Variants in ZNF445 observed in about 807,000 individuals in gnomAD.
ZNF445 encodes zinc finger protein 168.
In ZNF445, 19 loss-of-function variants were observed where a neutral mutation model predicts 93.9. The ratio of observed to expected loss-of-function variants is 0.20; its 90% CI spans 0.14 to 0.30. The LOEUF (loss-of-function observed/expected upper bound fraction) is 0.30, where lower values mean the gene tolerates loss of function less well. ZNF445 is among the 10% of genes least tolerant of loss of function. The pLI is 1.00. For missense variants in ZNF445, 1,058 were observed against 1,259.4 expected, an observed-to-expected ratio of 0.84 and a Z score of 2.42; for synonymous variants, 449 against 446.3, an observed-to-expected ratio of 1.01 and a Z score of -0.08.
intron 2 of ZNF445, among the ~76,000 whole-genome samples, chr3:44,455,953 T>C (rs1305094906): frequency 6.6e-6 from 1 of 152,092 alleles, no homozygotes; most frequent in Non-Finnish European, 1.5e-5. Context: ...AAGATCTAAA[T>C]AAATGAACAG....
chr3:44,463,124 C>A (rs1258740451), intron 1 of ZNF445, among the ~76,000 whole-genome samples: 2 of 151,702 alleles, frequency 1.3e-5, no homozygotes, highest in African/African-American at 4.8e-5. Flanking sequence ...GCAACCTTTG[C>A]CTCCCAGGCT....
At chr3:44,461,683 T>G (rs1698116230) in intron 1 of ZNF445, among the ~76,000 whole-genome samples, 1 of 152,210 alleles carries the variant, frequency 6.6e-6, no homozygotes, top group East Asian at 1.9e-4. Flanking sequence ...GGAAAAAGTT[T>G]GAGCTTCGTC....
rs572502797 is a variant in ZNF445, at chr3:44,454,946, T to C, written c.429+175A>G. Reference sequence around the variant, plus strand: ...TGGGAAGGTAGGAAAGGATACCTGCTAAAGGGTCCGTGGCTCAGGGTCCCG... The same window carrying C: ...TGGGAAGGTAGGAAAGGATACCTGCCAAAGGGTCCGTGGCTCAGGGTCCCG... On this transcript the variant is annotated intron_variant, in intron 3 of 7. Transcript: ENST00000396077. The C allele has an allele frequency of 1.0e-4, 74 of 705,000 alleles. No individual in the cohort carries two copies. The African/African-American group carries it at 1.2e-3, about 12-fold the overall frequency. The allele number at this position is 705,000 out of a possible 1,614,324, so 43.7% of individuals were successfully genotyped here. A position where few individuals can be genotyped will look rare whatever the true frequency, so the allele number is the denominator to read the frequency against.
rs539589179 is a variant in ZNF445, at chr3:44,447,094, C to T, written c.2577G>A (p.Lys859=). ...AGCGCTTCTCTCCACTGTGTATTCCCTTATGATCTAAAAGGGTTCTTTTAC... is the reference window on the plus strand; with the variant it reads ...AGCGCTTCTCTCCACTGTGTATTCCTTTATGATCTAAAAGGGTTCTTTTAC... ...FTRKRTLLDH[K]GIHSGEKRYK... The change falls in exon 8 of 8, where the codon AAG becomes AAA. Residue 859 remains lysine (K), a synonymous_variant. Coordinates refer to ENST00000396077, the MANE Select transcript of ZNF445 (RefSeq NM_181489.6). This position sits in a 1 kb window ranked among gnomAD's most constrained non-coding sequence, Gnocchi z 4.7. 4.3e-6 allele frequency: 7 copies of T among 1,614,192 alleles called. No homozygotes were observed. Among genetic ancestry groups the T allele is most frequent in the African/African-American group, 4.0e-5 (3 of 75,040 alleles).
rs779524977 is a variant in ZNF445 at position 44,447,357 on chromosome 3, G to A, written c.2314C>T (p.Arg772Cys). Residue 772 changes from arginine (R) to cysteine (C), a missense_variant, in exon 8 of 8, where the codon CGC becomes TGC. By Grantham distance (180) the Arg-to-Cys change is radical. Coordinates refer to ENST00000396077, the MANE Select transcript of ZNF445 (RefSeq NM_181489.6). This position sits in a 1 kb window ranked among gnomAD's most constrained non-coding sequence, Gnocchi z 4.7. ...YKCSQCGKAF[R>C]NHSFLLIHQR... ...TGGATGAGGAGGAATGAGTGATTGCGGAAGGCCTTGCCACACTGGCTGCAT... is the reference window on the plus strand; with the variant it reads ...TGGATGAGGAGGAATGAGTGATTGCAGAAGGCCTTGCCACACTGGCTGCAT... 2.5e-5 allele frequency: 40 copies of A among 1,613,986 alleles called. No homozygotes were observed. The highest frequency in any genetic ancestry group is 7.7e-5 in the South Asian group (7 of 91,080).
At chr3:44,452,934 G>A (rs1437302167) in intron 3 of ZNF445, among the ~76,000 whole-genome samples, 8 of 114,220 alleles carry the variant, frequency 7.0e-5, no homozygotes, top group Non-Finnish European at 1.1e-4. Flanking sequence ...TTTTTTTTTC[G>A]GACATAGTCT....
At position 44,434,253 on chromosome 3, in the gene ZNF445, A is replaced by C. The variant is rs1697627345; in HGVS notation, c.*12322T>G. On this transcript the variant is annotated 3_prime_UTR_variant, in exon 8 of 8. Transcript: ENST00000396077. The stretch of plus-strand genomic sequence containing the variant: ...CATGGTGAAACCCTGCCTTTACCAA[A>C]AAAAAAAAAAAAAAAATTAGCCGGG... 2.1e-5 allele frequency: 1 copy of C among 47,418 alleles called. No individual in the cohort carries two copies. The highest frequency in any genetic ancestry group is 7.0e-5 in the African/African-American group (1 of 14,204). 2.9% of individuals were successfully genotyped at this position (47,418 alleles called of 1,614,324 possible).
At chr3:44,457,775 C>T (rs532310159) in intron 2 of ZNF445, among the ~76,000 whole-genome samples, 4 of 150,698 alleles carry the variant, frequency 2.7e-5, no homozygotes, top group South Asian at 2.1e-4. Flanking sequence ...GGCCTAGGCG[C>T]GTGGATCACG....
At chr3:44,458,532 A>G (rs1377855676) in intron 1 of ZNF445, among the ~76,000 whole-genome samples, 168 bp from the exon 2 acceptor site, 4 of 152,124 alleles carry the variant, frequency 2.6e-5, no homozygotes. Flanking sequence ...TAAAACAATA[A>G]GCATATCTTC....
intron 1 of ZNF445, among the ~76,000 whole-genome samples, chr3:44,467,814 A>C (rs1698214875): frequency 6.6e-6 from 1 of 152,174 alleles, no homozygotes; most frequent in African/African-American, 2.4e-5. Flanking sequence ...GAGAGAGAAA[A>C]TTATGCTTCA....
chr3:44,468,981 G>C (rs953383348), intron 1 of ZNF445, among the ~76,000 whole-genome samples: 1 of 151,592 alleles, frequency 6.6e-6, no homozygotes, highest in Admixed American at 6.6e-5. Flanking sequence ...CATTTGGCCA[G>C]GTGCAGTGAC....
intron 7 of ZNF445, 57 bp from the exon 8 acceptor site, chr3:44,448,796 A>G (rs772505490): frequency 1.8e-5 from 28 of 1,539,792 alleles, no homozygotes; most frequent in Non-Finnish European, 2.4e-5. Flanking sequence ...GGAACTGCAG[A>G]AAGCACCAAA....
At chr3:44,461,081 C>A (rs1698107564) in intron 1 of ZNF445, among the ~76,000 whole-genome samples, 1 of 152,214 alleles carries the variant, frequency 6.6e-6, no homozygotes, top group African/African-American at 2.4e-5. Context: ...AGCCCTACCA[C>A]AGGGTGTCTG....
chr3:44,455,778 A>G (rs1476048974), intron 2 of ZNF445, 82 bp from the exon 3 acceptor site: 9 of 497,776 alleles, frequency 1.8e-5, no homozygotes, highest in Admixed American at 3.8e-5. Context: ...CTTTGTATAT[A>G]TAAGAAGAGC....
At chr3:44,459,914 T>A (rs540761992) in intron 1 of ZNF445, among the ~76,000 whole-genome samples, 1 of 152,338 alleles carries the variant, frequency 6.6e-6, no homozygotes, top group East Asian at 1.9e-4. Flanking sequence ...AAGAATCTAC[T>A]GTGAGAGCTA....
chr3:44,464,524 T>A (rs1173516811), intron 1 of ZNF445, among the ~76,000 whole-genome samples: 1 of 152,224 alleles, frequency 6.6e-6, no homozygotes, highest in Non-Finnish European at 1.5e-5. Flanking sequence ...TCACGTGGCT[T>A]TAGTATTCTT....
Position 44,448,319 on chromosome 3 carries a change from T to C in ZNF445, c.1352A>G (p.His451Arg). The change falls in exon 8 of 8, where the codon CAT becomes CGT. Residue 451 changes from histidine to arginine, a missense_variant. His to Arg is a conservative substitution (Grantham distance 29, BLOSUM62 0). Around this residue, in one of 3 missense-constraint regions of ZNF445, gnomAD observed 657 missense variants for 746.4 expected, o/e 0.88. Transcript: ENST00000396077. ...IGGFSLHQRI[H>R]SGLKGNKKDV... ...CTTTTTGTTCCCTTTCAGTCCACTA[T>C]GAATTCTCTGATGTAGGCTGAAGCC... 4 of 1,614,234 alleles carry C rather than the reference T, an allele frequency of 2.5e-6. No homozygotes were observed. Among genetic ancestry groups the C allele is most frequent in the Admixed American group, 3.3e-5 (2 of 60,026 alleles).
In ZNF445 at chr3:44,452,256, C is replaced by G. The variant is rs567512718; in HGVS notation, c.430-774G>C. Among the ~76,000 whole-genome samples, 158 of 152,096 alleles carry G rather than the reference C, an allele frequency of 1.0e-3. 1 individual carries two copies. The highest frequency in any genetic ancestry group is 2.0e-3 in the Non-Finnish European group (133 of 68,010). On this transcript the variant is annotated intron_variant, in intron 3 of 7. Transcript: ENST00000396077. ...TATACCAATATGGACAAATCTCAGCCTGAGGCCATTAATCATCTGATACAG... is the reference window on the plus strand; with the variant it reads ...TATACCAATATGGACAAATCTCAGCGTGAGGCCATTAATCATCTGATACAG...
intron 1 of ZNF445, among the ~76,000 whole-genome samples, chr3:44,467,432 A>G (rs1252134488): frequency 6.6e-6 from 1 of 152,192 alleles, no homozygotes; most frequent in Admixed American, 6.5e-5. Flanking sequence ...CTGTTGGGGA[A>G]TCTGGCCTCA....
Sources: gnomAD v4.1 joint callset for allele counts (sites outside exome capture counted in the v4.1 genomes callset) on GRCh38, gnomAD v4.1.1 for gene constraint, gnomAD v4.1.1 regional missense constraint, Gnocchi (gnomAD v3.1) non-coding constraint, MANE v1.5 for transcripts, NCBI Gene and HGNC (gene_info 2026-07-23, HGNC 2026-07-21) for gene names.